The following RAB38 variants were observed in gnomAD, a reference collection of about 807,000 sequenced individuals.
The protein encoded by RAB38 is ras-related protein Rab-38.
Under a neutral mutation model 18.4 loss-of-function variants are expected in RAB38, and 15 were observed. That is an observed-to-expected ratio of 0.82 (90% CI 0.55 to 1.26). The LOEUF (loss-of-function observed/expected upper bound fraction) is 1.26, where lower values mean the gene tolerates loss of function less well. Ranked by LOEUF, RAB38 falls within the 50% of genes most tolerant of loss-of-function variation. The probability of loss-of-function intolerance (pLI) is 0.00; values close to 1 mark genes in which losing one functional copy is unlikely to be tolerated. For synonymous variants in RAB38, 101 were observed against 104.4 expected (o/e 0.97, Z 0.20); for missense variants, 294 against 267.4 (o/e 1.10, Z -0.69).
chr11:87,918,749 T>C, the RAB38 span, among the ~76,000 whole-genome samples: 124,654 of 151,950 alleles, frequency 0.82, 51,406 homozygotes, highest in East Asian at 0.94. Flanking sequence ...GAGTTAAGTT[T>C]CAAATATGTT....
At chr11:88,029,611 C>A in the RAB38 span, among the ~76,000 whole-genome samples, 2 of 151,974 alleles carry the variant, frequency 1.3e-5, no homozygotes, top group Admixed American at 6.6e-5. Context: ...TTTAAACCAA[C>A]AAAGATCAAA....
chr11:88,127,562 C>T (rs1023435242), intron 2 of RAB38, among the ~76,000 whole-genome samples: 11 of 152,168 alleles, frequency 7.2e-5, no homozygotes, highest in African/African-American at 2.7e-4. Flanking sequence ...TTTTATATTA[C>T]CCTGTGTGTT....
At chr11:88,153,694 A>G (rs960694014) in intron 1 of RAB38, among the ~76,000 whole-genome samples, 6 of 152,320 alleles carry the variant, frequency 3.9e-5, no homozygotes, top group Admixed American at 3.9e-4. Flanking sequence ...ACCCATCCCT[A>G]GTTGGGTTGC....
At chr11:88,171,368 G>A (rs371137554) in intron 1 of RAB38, among the ~76,000 whole-genome samples, 3 of 152,218 alleles carry the variant, frequency 2.0e-5, no homozygotes, top group East Asian at 3.9e-4. Flanking sequence ...TAAACCTTTT[G>A]CTTACAGAGA....
chr11:88,017,667 CTA>C, the RAB38 span, among the ~76,000 whole-genome samples: 8 of 147,528 alleles, frequency 5.4e-5, no homozygotes, highest in South Asian at 2.1e-4. Context: ...AGCTCTGTCT[CTA>C]TATGTTACCC....
chr11:88,013,207 T>TG, the RAB38 span, among the ~76,000 whole-genome samples: 46,224 of 152,048 alleles, frequency 0.3, 8,124 homozygotes, highest in Non-Finnish European at 0.4. Context: ...TCAGATACCT[T>TG]GGAGAATATA....
the RAB38 span, among the ~76,000 whole-genome samples, chr11:87,913,077 T>C: frequency 6.6e-6 from 1 of 152,052 alleles, no homozygotes; most frequent in Admixed American, 6.6e-5. Flanking sequence ...TTTCTATTAC[T>C]GAATTTATTA....
the RAB38 span, among the ~76,000 whole-genome samples, chr11:87,956,252 G>T: frequency 6.4e-4 from 97 of 152,234 alleles, no homozygotes; most frequent in African/African-American, 2.1e-3. Flanking sequence ...TGTTGCACAA[G>T]TCCCTCAAAC....
In RAB38 at chr11:88,149,917, G is replaced by C. The variant is rs1051717924; in HGVS notation, c.241C>G (p.Arg81Gly). The C allele has an allele frequency of 2.5e-6, 4 of 1,613,542 alleles. No individual in the cohort carries two copies. The highest frequency in any genetic ancestry group is 2.2e-5 in the South Asian group (2 of 91,022). The change falls in exon 2 of 3, where the codon CGA becomes GGA. Residue 81 changes from arginine to glycine, a missense_variant. Physicochemically the swap from Arg to Gly is moderately radical, Grantham distance 125. Transcript: ENST00000243662. The part of the protein sequence containing the change: ...RFGNMTRVYY[R>G]EAMGAFIVFD... The stretch of plus-strand genomic sequence containing the variant: ...ACAATAAATGCACCCATAGCTTCTC[G>C]GTAATAGACCCTCGTCATGTTTCCA...
At chr11:87,839,053 C>T in the RAB38 span, among the ~76,000 whole-genome samples, 1 of 152,166 alleles carries the variant, frequency 6.6e-6, no homozygotes, top group Non-Finnish European at 1.5e-5. Context: ...TGCTACTATC[C>T]ATCGGACACA....
At chr11:88,142,786 T>C (rs1219168129) in intron 2 of RAB38, among the ~76,000 whole-genome samples, 3 of 152,184 alleles carry the variant, frequency 2.0e-5, no homozygotes, top group Non-Finnish European at 4.4e-5. Context: ...AGCAGAAAGA[T>C]GAGAAAAAGA....
At chr11:88,035,752 C>A in the RAB38 span, among the ~76,000 whole-genome samples, 2 of 152,320 alleles carry the variant, frequency 1.3e-5, no homozygotes, top group Admixed American at 1.3e-4. Flanking sequence ...GGGGACATCC[C>A]ATTCTAGCAA....
chr11:87,944,661 A>C, the RAB38 span, among the ~76,000 whole-genome samples: 1 of 152,166 alleles, frequency 6.6e-6, no homozygotes, highest in Admixed American at 6.6e-5. Flanking sequence ...TGGATATCTT[A>C]AACAGTCTTT....
the RAB38 span, among the ~76,000 whole-genome samples, chr11:87,943,000 C>A: frequency 1.3e-5 from 2 of 152,078 alleles, no homozygotes; most frequent in South Asian, 4.1e-4. Context: ...GCTCTAAAAT[C>A]CAGAAAATTG....
intron 2 of RAB38, among the ~76,000 whole-genome samples, chr11:88,137,687 T>G (rs1325775529): frequency 6.6e-6 from 1 of 152,142 alleles, no homozygotes; most frequent in Non-Finnish European, 1.5e-5. Context: ...AGTTTGTAAG[T>G]TGAAAGAGCT....
At chr11:87,863,054 G>T in the RAB38 span, among the ~76,000 whole-genome samples, 2 of 151,954 alleles carry the variant, frequency 1.3e-5, no homozygotes, top group Middle Eastern at 3.4e-3. Context: ...CTAGTGTCTT[G>T]AACATAGCCT....
chr11:88,008,895 A>G, the RAB38 span, among the ~76,000 whole-genome samples: 1 of 152,132 alleles, frequency 6.6e-6, no homozygotes, highest in Non-Finnish European at 1.5e-5. Context: ...GATGGTCTGA[A>G]ACTCTTGACC....
chr11:87,948,900 T>A, the RAB38 span, among the ~76,000 whole-genome samples: 1 of 152,090 alleles, frequency 6.6e-6, no homozygotes, highest in African/African-American at 2.4e-5. Context: ...GATGCTGGCC[T>A]CATAAAATGA....
At chr11:88,147,824 T>A (rs1454214435) in intron 2 of RAB38, among the ~76,000 whole-genome samples, 1 of 151,490 alleles carries the variant, frequency 6.6e-6, no homozygotes. Flanking sequence ...ATCCGGGGGG[T>A]GGAGCTTGCA....
Sources: gnomAD v4.1 joint callset for allele counts (sites outside exome capture counted in the v4.1 genomes callset) on GRCh38, gnomAD v4.1.1 for gene constraint, MANE v1.5 for transcripts, NCBI Gene and HGNC (gene_info 2026-07-23, HGNC 2026-07-21) for gene names.